CADPS2: variants seen among roughly 807,000 people sequenced by gnomAD.
CADPS2 encodes calcium dependent secretion activator 2.
Under a neutral mutation model 172.5 loss-of-function variants are expected in CADPS2, and 93 were observed. The observed-to-expected ratio is 0.54, with a 90% CI of 0.46 to 0.64. The LOEUF (loss-of-function observed/expected upper bound fraction) is 0.64, where lower values mean the gene tolerates loss of function less well. CADPS2 is among the 30% of genes least tolerant of loss of function. The pLI is 0.00. For missense variants in CADPS2, 1,420 were observed against 1,565.9 expected (o/e 0.91, Z 1.57); for synonymous variants, 546 against 555.2 (o/e 0.98, Z 0.23).
intron 1 of CADPS2, among the ~76,000 whole-genome samples, chr7:122,876,310 A>C (rs946184330): frequency 1.3e-5 from 2 of 152,176 alleles, no homozygotes; most frequent in African/African-American, 4.8e-5. Flanking sequence ...ACAGAGCAAG[A>C]CTTTGTGTCA....
intron 2 of CADPS2, among the ~76,000 whole-genome samples, chr7:122,679,272 G>GGGGGGA (rs2135759203): frequency 8.6e-6 from 1 of 116,490 alleles, no homozygotes; most frequent in Non-Finnish European, 1.9e-5. Context: ...TCCTGGGGGG[G>GGGGGGA]GGGGGCTCTA....
chr7:122,640,466 C>T (rs949550120), intron 3 of CADPS2, among the ~76,000 whole-genome samples: 39 of 142,068 alleles, frequency 2.7e-4, no homozygotes, highest in African/African-American at 9.7e-4. Flanking sequence ...TGTGCACACA[C>T]ATATACACAC....
intron 2 of CADPS2, chr7:122,698,489 G>C: frequency 6.2e-7 from 1 of 1,613,912 alleles, no homozygotes. Flanking sequence ...AATGCCTGAT[G>C]AAACATGGGG....
rs560328481 is a variant in CADPS2, at chr7:122,806,141, T to C, written c.340-69073A>G. Reference sequence around the variant, plus strand: ...GTCACAATAGATGAGACTCACATTGTTAGAAGCTATTCATAAGCAATTTAC... The same window carrying C: ...GTCACAATAGATGAGACTCACATTGCTAGAAGCTATTCATAAGCAATTTAC... On this transcript the variant is annotated intron_variant, in intron 1 of 29. Coordinates refer to ENST00000449022, the MANE Select transcript of CADPS2 (RefSeq NM_017954.11). 2.6e-5 allele frequency among the ~76,000 whole-genome samples: 4 copies of C among 152,336 alleles called. No individual in the cohort carries two copies. In the South Asian group the frequency reaches 8.3e-4, roughly 32 times the overall value.
rs562090605 is a variant in CADPS2 at position 122,820,839 on chromosome 7, G to A, written c.339+65160C>T. Among the ~76,000 whole-genome samples, 11 of 138,912 alleles carry A rather than the reference G, an allele frequency of 7.9e-5. 1 individual carries two copies. Among genetic ancestry groups the A allele is most frequent in the South Asian group, 2.4e-4 (1 of 4,234 alleles). 91.1% of individuals were successfully genotyped at this position (138,912 alleles called of 152,430 possible). The stretch of plus-strand genomic sequence containing the variant: ...CTCCCAAAGTGCTGGGATTACAGGC[G>A]TGAGCCACCGCGCCCGGCCGACCTT... On this transcript the variant is annotated intron_variant, in intron 1 of 29. Transcript: ENST00000449022.
At chr7:122,591,718 C>G (rs569658492) in intron 6 of CADPS2, among the ~76,000 whole-genome samples, 7 of 152,040 alleles carry the variant, frequency 4.6e-5, no homozygotes, top group South Asian at 2.1e-4. Flanking sequence ...ACAAACCTGA[C>G]AAAAACAAGA....
chr7:122,597,120 C>T (rs1419288530), intron 6 of CADPS2, among the ~76,000 whole-genome samples: 5 of 152,038 alleles, frequency 3.3e-5, no homozygotes, highest in Non-Finnish European at 7.4e-5. Flanking sequence ...CCACTATGAG[C>T]AAACACCTCT....
At chr7:122,722,110 C>A (rs1041580990) in intron 2 of CADPS2, among the ~76,000 whole-genome samples, 11 of 152,208 alleles carry the variant, frequency 7.2e-5, no homozygotes, top group African/African-American at 2.2e-4. Context: ...AAACTGGAAG[C>A]ATTCCCTTTG....
At chr7:122,595,851 G>C (rs530316733) in intron 6 of CADPS2, among the ~76,000 whole-genome samples, 1 of 152,176 alleles carries the variant, frequency 6.6e-6, no homozygotes, top group East Asian at 1.9e-4. Context: ...TCTGAGAGTT[G>C]AAAAGAGCCA....
chr7:122,676,848 TC>T, intron 2 of CADPS2: 2 of 536,080 alleles, frequency 3.7e-6, no homozygotes, highest in East Asian at 3.1e-5. Flanking sequence ...ATTTTTTTTT[TC>T]CAGGTCACTT....
intron 14 of CADPS2, among the ~76,000 whole-genome samples, chr7:122,470,566 C>T (rs967904881): frequency 6.6e-6 from 1 of 152,042 alleles, no homozygotes; most frequent in African/African-American, 2.4e-5. Flanking sequence ...ATGATCTTGG[C>T]TCACTGCAAC....
At chr7:122,409,708 G>A (rs999753889) in intron 19 of CADPS2, 28 of 462,048 alleles carry the variant, frequency 6.1e-5, no homozygotes, top group African/African-American at 5.2e-4. Context: ...AGAATACAGG[G>A]TCTTGTCTAC....
chr7:122,697,403 C>T (rs1162416407), intron 2 of CADPS2, among the ~76,000 whole-genome samples: 2 of 152,072 alleles, frequency 1.3e-5, no homozygotes. Context: ...TGTTTTCAAA[C>T]TTAATTGATA....
At chr7:122,321,224 C>T (rs1253441000) in intron 29 of CADPS2, among the ~76,000 whole-genome samples, 2 of 152,126 alleles carry the variant, frequency 1.3e-5, no homozygotes, top group African/African-American at 2.4e-5. Flanking sequence ...TGGAGTACAG[C>T]GGTGTGATCA....
At chr7:122,631,468 G>A (rs982018378) in intron 3 of CADPS2, among the ~76,000 whole-genome samples, 2 of 152,012 alleles carry the variant, frequency 1.3e-5, no homozygotes, top group African/African-American at 4.8e-5. Context: ...TGTGGAGATG[G>A]AGTTCTCGCT....
At chr7:122,673,027 C>A (rs1047777870) in intron 2 of CADPS2, among the ~76,000 whole-genome samples, 3 of 152,138 alleles carry the variant, frequency 2.0e-5, no homozygotes, top group African/African-American at 7.2e-5. Flanking sequence ...CAGACCTTCG[C>A]AGTGTTACAG....
chr7:122,571,090 A>G (rs985225128), intron 7 of CADPS2, among the ~76,000 whole-genome samples: 6 of 152,142 alleles, frequency 3.9e-5, no homozygotes, highest in Admixed American at 3.9e-4. Context: ...CTGAGAGAAA[A>G]GTATTTATAT....
chr7:122,603,233 C>G (rs1478368641), intron 6 of CADPS2, among the ~76,000 whole-genome samples: 1 of 151,494 alleles, frequency 6.6e-6, no homozygotes, highest in African/African-American at 2.4e-5. Flanking sequence ...AAAGTGCTTA[C>G]CAAATAAATA....
rs1314567787 is a variant in CADPS2, at chr7:122,451,271, G to T, written c.2288+103C>A. 6.1e-6 allele frequency: 3 copies of T among 494,628 alleles called. No homozygotes were observed. The Admixed American group carries it at 1.2e-4, about 19-fold the overall frequency. The allele number at this position is 494,628 out of a possible 1,614,324, so 30.6% of individuals were successfully genotyped here. A position where few individuals can be genotyped will look rare whatever the true frequency, so the allele number is the denominator to read the frequency against. On this transcript the variant is annotated intron_variant, in intron 15 of 29. Transcript: ENST00000449022. The stretch of plus-strand genomic sequence containing the variant: ...CTGCAGGCAAGGGAGGGCTACTGAT[G>T]ATCTTGAGCGCTAGTAGAATGATAT...
Sources: gnomAD v4.1 joint callset for allele counts (sites outside exome capture counted in the v4.1 genomes callset) on GRCh38, gnomAD v4.1.1 for gene constraint, MANE v1.5 for transcripts, NCBI Gene and HGNC (gene_info 2026-07-23, HGNC 2026-07-21) for gene names.